Variants in TTN observed in about 807,000 individuals in gnomAD.
The protein encoded by TTN is connectin.
Under a neutral mutation model 3,223.0 loss-of-function variants are expected in TTN, and 1,525 were observed. That is an observed-to-expected ratio of 0.47 (90% CI 0.45 to 0.49). The LOEUF (loss-of-function observed/expected upper bound fraction) is 0.49, where lower values mean the gene tolerates loss of function less well. Ranked by LOEUF, TTN falls within the 20% of genes least tolerant of loss-of-function variation. The pLI is 0.00. For synonymous variants in TTN, 14,094 were observed against 15,161.0 expected, an observed-to-expected ratio of 0.93 and a Z score of 5.17; for missense variants, 40,786 against 43,424.0, an observed-to-expected ratio of 0.94 and a Z score of 5.40.
rs1333554981 is a variant in TTN, at chr2:178,557,808, A to C, written c.87546T>G (p.Thr29182=). The change falls in exon 328 of 363, where the codon ACT becomes ACG. Residue 29182 remains threonine, a synonymous_variant. Transcript: ENST00000589042. ...TTGCAGACACTTCAGTCCACACTGC[A>C]GTACTTGTTTCTCTTTTGAGTAGAA... ...NYILLKRETS[T]AVWTEVSATV... 1 of 1,613,966 alleles carries C rather than the reference A, an allele frequency of 6.2e-7. No individual in the cohort carries two copies. Among genetic ancestry groups the C allele is most frequent in the East Asian group, 2.2e-5 (1 of 44,878 alleles).
chr2:178,741,245 G>T lies in TTN; in HGVS notation c.11988C>A (p.Phe3996Leu), dbSNP rs1247960779. 1 of 1,613,668 alleles carries T rather than the reference G, an allele frequency of 6.2e-7. No homozygotes were observed. Among genetic ancestry groups the T allele is most frequent in the Admixed American group, 1.7e-5 (1 of 60,000 alleles). The stretch of plus-strand genomic sequence containing the variant: ...CTTCCCTCTGAGGGTCATTGACAAT[G>T]AAAGTTCCAGAGCCATTAGGGTTAT... ...IIHNPNGSGT[F>L]IVNDPQREDS... The change falls in exon 48 of 363, where the codon TTC becomes TTA. Residue 3996 changes from phenylalanine (F) to leucine (L), a missense_variant. Physicochemically the swap from Phe to Leu is conservative, Grantham distance 22. Coordinates refer to ENST00000589042, the MANE Select transcript of TTN (RefSeq NM_001267550.2).
At position 178,779,336 on chromosome 2, in the gene TTN, A is replaced by T. The variant is rs2154347720; in HGVS notation, c.3856T>A (p.Ser1286Thr). Reference sequence around the variant, plus strand: ...TCAAATCCTGATTCAACAGCTTCAGATTCAGAAATGTCAACTGCCATCTTT... The same window carrying T: ...TCAAATCCTGATTCAACAGCTTCAGTTTCAGAAATGTCAACTGCCATCTTT... ...EEKMAVDISE[S>T]EAVESGFDSR... Residue 1286 changes from serine to threonine, a missense_variant, in exon 23 of 363, where the codon TCT becomes ACT. Coordinates refer to ENST00000589042, the MANE Select transcript of TTN (RefSeq NM_001267550.2). The T allele has an allele frequency of 6.2e-7, 1 of 1,613,302 alleles. No individual in the cohort carries two copies. Among genetic ancestry groups the T allele is most frequent in the Middle Eastern group, 1.7e-4 (1 of 6,056 alleles).
Position 178,588,948 on chromosome 2 carries a change from G to C in TTN, c.62777C>G (p.Thr20926Arg). 2 of 1,612,710 alleles carry C rather than the reference G, an allele frequency of 1.2e-6. No homozygotes were observed. The highest frequency in any genetic ancestry group is 2.2e-5 in the South Asian group (2 of 91,044). The change falls in exon 304 of 363, where the codon ACA (threonine) becomes AGA (arginine). Residue 20926 changes from threonine (T) to arginine (R), a missense_variant. Thr to Arg is a moderately conservative substitution (Grantham distance 71). Transcript: ENST00000589042. ...ATATTCATTTCCTTCTATGAGACGT[G>C]TTACTGTAGTACCAGGTGTCAAGAC... ...ATVLTPGTTV[T>R]RLIEGNEYIF... is the part of the protein sequence containing the mutation.
At chr2:178,677,136 T>C (rs942689185) in intron 147 of TTN, 65 bp downstream of exon 147, 14 of 1,085,682 alleles carry the variant, frequency 1.3e-5, no homozygotes, top group African/African-American at 1.7e-5. Context: ...TAAAACCCAG[T>C]TTCATCATAA....
In TTN at chr2:178,565,955, G is replaced by A; in HGVS notation, c.80177C>T (p.Thr26726Ile). 1 of 1,613,540 alleles carries A rather than the reference G, an allele frequency of 6.2e-7. No individual in the cohort carries two copies. Among genetic ancestry groups the A allele is most frequent in the Non-Finnish European group, 8.5e-7 (1 of 1,179,648 alleles). The change falls in exon 326 of 363, where the codon ACC becomes ATC. Residue 26726 changes from threonine to isoleucine, a missense_variant. Thr to Ile is a moderately conservative substitution (Grantham distance 89). Coordinates refer to ENST00000589042, the MANE Select transcript of TTN (RefSeq NM_001267550.2). ...ACTCACATTAGCATACGCTTTTCTG[G>A]TTGACTCACGTTTGTCAATCACATA... ...KNYVIDKRES[T>I]RKAYANVSSK...
chr2:178,630,216 T>G (rs2059629939), intron 239 of TTN, 25 bp downstream of exon 239: 1 of 1,611,042 alleles, frequency 6.2e-7, no homozygotes. Context: ...TTATTTAATT[T>G]CCCTGAAAAA....
rs886044538 is a variant in TTN at position 178,582,106 on chromosome 2, G to T, written c.66263C>A (p.Thr22088Asn). 1.9e-6 allele frequency: 3 copies of T among 1,612,802 alleles called. No homozygotes were observed. In the African/African-American group the frequency reaches 4.0e-5, roughly 22 times the overall value. ...TTCCCGCTTTTCAAGCAAATAGCCA[G>T]TGATGGGTGAGCCCCCATCATCTGC... ...PPADDGGSPI[T>N]GYLLEKRETQ... Residue 22088 changes from threonine to asparagine, a missense_variant, in exon 315 of 363, where the codon ACT becomes AAT. Physicochemically the swap from Thr to Asn is moderately conservative, Grantham distance 65. Coordinates refer to ENST00000589042, the MANE Select transcript of TTN (RefSeq NM_001267550.2).
Position 178,558,585 on chromosome 2 carries a change from A to G in TTN, c.86874T>C (p.Ser28958=), listed in dbSNP as rs1262498665. Residue 28958 remains serine, a synonymous_variant, in exon 327 of 363, where the codon AGT becomes AGC. Transcript: ENST00000589042. ...KLGVTSISKD[S]VSLTWLKPEH... ...CAGGCTTCAGCCAGGTCAGGGAAAC[A>G]CTGTCTTTGGATATACTTGTTACTC... 2 of 1,613,718 alleles carry G rather than the reference A, an allele frequency of 1.2e-6. No individual in the cohort carries two copies. The highest frequency in any genetic ancestry group is 8.5e-7 in the Non-Finnish European group (1 of 1,179,782).
chr2:178,547,335 A>G (rs934407160), intron 339 of TTN, 30 bp from the exon 340 acceptor site: 10 of 1,576,990 alleles, frequency 6.3e-6, no homozygotes, highest in Non-Finnish European at 8.6e-6. Flanking sequence ...TTAAGTATGA[A>G]TACAATTTTA....
chr2:178,674,875 A>G (rs1383329798), intron 150 of TTN, among the ~76,000 whole-genome samples, 164 bp downstream of exon 150: 1 of 151,892 alleles, frequency 6.6e-6, no homozygotes, highest in Non-Finnish European at 1.5e-5. Context: ...GATTCAAATA[A>G]TATTAATTTG....
rs774526152 is a variant in TTN, at chr2:178,671,133, T to A, written c.35265A>T (p.Lys11755Asn). The A allele has an allele frequency of 3.1e-6, 5 of 1,601,538 alleles. No individual in the cohort carries two copies. Residue 11755 changes from lysine to asparagine, a missense_variant, in exon 156 of 363, where the codon AAA (lysine) becomes AAT (asparagine). By Grantham distance (94) the Lys-to-Asn change is moderately conservative. Coordinates refer to ENST00000589042, the MANE Select transcript of TTN (RefSeq NM_001267550.2). ...TTCGAGGAACAACTTTAGTGGGCGG[T>A]TTTTTTGGAGGGATGATTTTCTCAG... ...EISEKIIPPK[K>N]PPTKVVPRKE...
At position 178,554,544 on chromosome 2, in the gene TTN, T is replaced by C. The variant is rs770817783; in HGVS notation, c.88803A>G (p.Gly29601=). 1.9e-6 allele frequency: 3 copies of C among 1,613,874 alleles called. No individual in the cohort carries two copies. In the South Asian group the frequency reaches 3.3e-5, roughly 18 times the overall value. ...CTCGGACCCGGAAGATGTATTCATT[T>C]CCTTTGATAATTTTGGTGGTTGTAA... ...CIITTTKIIK[G]NEYIFRVRAV... Residue 29601 remains glycine (G), a synonymous_variant, in exon 332 of 363, where the codon GGA becomes GGG. Coordinates refer to ENST00000589042, the MANE Select transcript of TTN (RefSeq NM_001267550.2).
At chr2:178,737,447 C>G (rs746929089) in intron 49 of TTN, 1 of 152,128 alleles carries the variant, frequency 6.6e-6, no homozygotes, top group South Asian at 2.1e-4. Context: ...ACTACAGGTG[C>G]GTGACACCAC....
At position 178,563,043 on chromosome 2, in the gene TTN, CAAAT is replaced by C; in HGVS notation, c.83085_83088del (p.Phe27696SerfsTer26). ...GGTTCTGGTCGACCTTTGATAGTGA[CAAAT>C]AAGCGTAAAGTAGCACTTGCACGCA... On this transcript the variant is annotated frameshift_variant, in exon 326 of 363. Coordinates refer to ENST00000589042, the MANE Select transcript of TTN (RefSeq NM_001267550.2). LOFTEE classifies it high-confidence loss of function. This position sits in a 1 kb window ranked among gnomAD's most constrained non-coding sequence, Gnocchi z 4.5. The C allele has an allele frequency of 6.2e-7, 1 of 1,613,662 alleles. No individual in the cohort carries two copies. The highest frequency in any genetic ancestry group is 8.5e-7 in the Non-Finnish European group (1 of 1,179,702).
At chr2:178,668,933 T>C (rs2066466972) in intron 159 of TTN, among the ~76,000 whole-genome samples, 1 of 151,592 alleles carries the variant, frequency 6.6e-6, no homozygotes, top group African/African-American at 2.4e-5. Context: ...CTTGTAAACC[T>C]AGGGTCCTTT....
rs762529671 is a variant in TTN, at chr2:178,575,804, C to T, written c.70328G>A (p.Arg23443Gln). 3.2e-5 allele frequency: 52 copies of T among 1,612,832 alleles called. No homozygotes were observed. The highest frequency in any genetic ancestry group is 4.4e-5 in the South Asian group (4 of 91,056). The change falls in exon 326 of 363, where the codon CGG becomes CAG. Residue 23443 changes from arginine (R) to glutamine (Q), a missense_variant. Coordinates refer to ENST00000589042, the MANE Select transcript of TTN (RefSeq NM_001267550.2). This position sits in a 1 kb window ranked among gnomAD's most constrained non-coding sequence, Gnocchi z 4.0. ...ACTGTCCTTTGTGATGTCTGTAGGC[C>T]GCAGGTTGAGGACTGGGCCTGGCGT... ...LDTPGPVLNL[R>Q]PTDITKDSVT... is the part of the protein sequence containing the mutation.
chr2:178,648,307 T>C (rs1454846729), intron 213 of TTN, among the ~76,000 whole-genome samples: 3 of 152,176 alleles, frequency 2.0e-5, no homozygotes, highest in Middle Eastern at 3.2e-3. Flanking sequence ...TTGAGTTTAC[T>C]TGACATAAGT....
At chr2:178,759,238 A>G in intron 43 of TTN, 66 bp from the exon 44 acceptor site, 1 of 1,524,060 alleles carries the variant, frequency 6.6e-7, no homozygotes. Context: ...ATTTACCTGC[A>G]AACACAATGT....
Position 178,549,709 on chromosome 2 carries a change from C to G in TTN, c.92013G>C (p.Glu30671Asp). The G allele has an allele frequency of 6.2e-7, 1 of 1,613,694 alleles. No individual in the cohort carries two copies. The highest frequency in any genetic ancestry group is 8.5e-7 in the Non-Finnish European group (1 of 1,179,742). ...TGTAACTTTGGGCTTCACATTTATC[C>G]TCAATTAGTGCCCAGGCAAGTCTGC... Reference protein sequence around the residue: ...ETSRLAWALIEDKCEAQSYTA... With the variant: ...ETSRLAWALIDDKCEAQSYTA... The change falls in exon 338 of 363, where the codon GAG becomes GAC. Residue 30671 changes from glutamate (E) to aspartate (D), a missense_variant. Glu to Asp is a conservative substitution (Grantham distance 45, BLOSUM62 2). Transcript: ENST00000589042.
Sources: allele counts gnomAD v4.1 joint callset (sites outside exome capture counted in the v4.1 genomes callset), GRCh38; gene constraint gnomAD v4.1.1; non-coding constraint Gnocchi (gnomAD v3.1); transcripts MANE v1.5; gene names NCBI Gene and HGNC (gene_info 2026-07-23, HGNC 2026-07-21).